Variants in RERE observed in about 807,000 individuals in gnomAD.
RERE encodes the protein arginine-glutamic acid dipeptide repeats protein.
A neutral mutation model predicts 146.1 loss-of-function variants in RERE; 40 were observed. The observed-to-expected ratio is 0.27, with a 90% CI of 0.21 to 0.36. RERE has a LOEUF of 0.36. Ranked by LOEUF, RERE falls within the 10% of genes least tolerant of loss-of-function variation. The probability of loss-of-function intolerance (pLI) is 1.00; values close to 1 mark genes in which losing one functional copy is unlikely to be tolerated. For synonymous variants in RERE, 1,003 were observed against 866.0 expected (o/e 1.16, Z -2.78); for missense variants, 1,933 against 2,138.7 (o/e 0.90, Z 1.90).
chr1:8,807,255 CG>C (rs1366516232), intron 1 of RERE, among the ~76,000 whole-genome samples: 3 of 151,956 alleles, frequency 2.0e-5, no homozygotes, highest in African/African-American at 7.2e-5. Context: ...GGTCTTGTTA[CG>C]TTGCCCAGGC....
intron 9 of RERE, among the ~76,000 whole-genome samples, chr1:8,495,943 C>T (rs920761533): frequency 5.9e-5 from 9 of 151,958 alleles, no homozygotes; most frequent in African/African-American, 9.7e-5. Context: ...GGGAGCCTGA[C>T]GCCAGAGGAC....
In RERE at chr1:8,526,044, C is replaced by T. The variant is rs151028640; in HGVS notation, c.830+15170G>A. 9.9e-3 allele frequency: 12,178 copies of T among 1,225,512 alleles called. 83 individuals carry two copies. The highest frequency in any genetic ancestry group is 0.017 in the Admixed American group (377 of 22,518). 75.9% of individuals were successfully genotyped at this position (1,225,512 alleles called of 1,614,324 possible). A position where few individuals can be genotyped will look rare whatever the true frequency, so the allele number is the denominator to read the frequency against. On this transcript the variant is annotated intron_variant, in intron 7 of 22. Coordinates refer to ENST00000400908, the MANE Select transcript of RERE (RefSeq NM_001042681.2). ...CTCTCCACGACGCAATCAATCTCAA[C>T]CCTGCTGTTTCCGTAAATAAAGCCC...
intron 4 of RERE, among the ~76,000 whole-genome samples, chr1:8,613,167 A>T (rs1392406252): frequency 6.6e-6 from 1 of 152,206 alleles, no homozygotes; most frequent in Admixed American, 6.5e-5. Flanking sequence ...AAACTGCTAC[A>T]GTCAATCTTC....
chr1:8,526,962 T>TA (rs1645578052), intron 7 of RERE, among the ~76,000 whole-genome samples: 1 of 152,134 alleles, frequency 6.6e-6, no homozygotes, highest in African/African-American at 2.4e-5. Flanking sequence ...GCCAAAATTA[T>TA]AAAGGACAAG....
chr1:8,525,789 A>C, intron 7 of RERE: 1 of 1,599,602 alleles, frequency 6.3e-7, no homozygotes, highest in Middle Eastern at 1.7e-4. Context: ...ATCCATGACT[A>C]ACACGGGCTC....
intron 12 of RERE, among the ~76,000 whole-genome samples, chr1:8,399,281 T>C (rs1643166515): frequency 6.6e-6 from 1 of 152,186 alleles, no homozygotes; most frequent in African/African-American, 2.4e-5. Context: ...CTATTTCTTA[T>C]AAACCCTTCC....
At position 8,801,460 on chromosome 1, in the gene RERE, G is replaced by A. The variant is rs1053442664; in HGVS notation, c.-145+15700C>T. Among the ~76,000 whole-genome samples the A allele has an allele frequency of 5.9e-5, 9 of 151,944 alleles. No individual in the cohort carries two copies. The East Asian group carries it at 7.7e-4, about 13-fold the overall frequency. ...AATTTTGTAATTTTAGTAGAGATGGGGTTTCTCCATGTTGGTCAGGCTGGT... is the reference window on the plus strand; with the variant it reads ...AATTTTGTAATTTTAGTAGAGATGGAGTTTCTCCATGTTGGTCAGGCTGGT... On this transcript the variant is annotated intron_variant, in intron 1 of 22. Transcript: ENST00000400908.
chr1:8,573,752 A>G (rs547396271), intron 4 of RERE, among the ~76,000 whole-genome samples: 5 of 152,348 alleles, frequency 3.3e-5, no homozygotes, highest in African/African-American at 1.2e-4. Context: ...AATATATATT[A>G]AAGGCTAAAA....
rs529867289 is a variant in RERE, at chr1:8,506,533, G to A, written c.879+2094C>T. Among the ~76,000 whole-genome samples the A allele has an allele frequency of 1.1e-4, 17 of 152,282 alleles. No individual in the cohort carries two copies. In the East Asian group the frequency reaches 2.1e-3, roughly 19 times the overall value. On this transcript the variant is annotated intron_variant, in intron 8 of 22. Transcript: ENST00000400908. The stretch of plus-strand genomic sequence containing the variant: ...AGACAGAAATAATAACTAGACAGAC[G>A]ACTGAAATCTCTATGCACTTCCAAG...
intron 6 of RERE, among the ~76,000 whole-genome samples, chr1:8,547,380 T>A (rs1262113502): frequency 6.6e-6 from 1 of 151,492 alleles, no homozygotes; most frequent in East Asian, 2.0e-4. Flanking sequence ...TAACTATGAC[T>A]CAAAATCCAG....
chr1:8,656,510 T>C (rs1638311152), intron 1 of RERE, 69 bp from the exon 2 acceptor site: 1 of 636,906 alleles, frequency 1.6e-6, no homozygotes, highest in African/African-American at 1.8e-5. Context: ...TTTTGTTAAA[T>C]GAATCTCTTA....
At chr1:8,520,202 T>C (rs1160496815) in intron 7 of RERE, among the ~76,000 whole-genome samples, 2 of 152,164 alleles carry the variant, frequency 1.3e-5, no homozygotes, top group Non-Finnish European at 2.9e-5. Flanking sequence ...AATTCTAAAT[T>C]TTCTCTGTGG....
intron 3 of RERE, among the ~76,000 whole-genome samples, chr1:8,617,512 CACA>C (rs1200878490): frequency 2.0e-5 from 3 of 152,126 alleles, no homozygotes; most frequent in Admixed American, 2.0e-4. Flanking sequence ...TCCAACACTA[CACA>C]ACAAGTCACA....
At chr1:8,591,969 G>A (rs1450376789) in intron 4 of RERE, among the ~76,000 whole-genome samples, 1 of 152,020 alleles carries the variant, frequency 6.6e-6, no homozygotes, top group Non-Finnish European at 1.5e-5. Context: ...GTAAGGTGAG[G>A]GTTTAATAAA....
At chr1:8,724,876 A>T (rs1209482449) in intron 1 of RERE, among the ~76,000 whole-genome samples, 1 of 72,066 alleles carries the variant, frequency 1.4e-5, no homozygotes, top group Non-Finnish European at 2.5e-5. Context: ...GATACTTTGT[A>T]AAAAAAAAAA....
intron 12 of RERE, among the ~76,000 whole-genome samples, chr1:8,390,220 C>T (rs1157856237): frequency 2.0e-5 from 3 of 152,170 alleles, no homozygotes; most frequent in Admixed American, 6.5e-5. Context: ...ACAAGAACGA[C>T]GGCATACAGA....
rs143138261 is a variant in RERE, at chr1:8,689,106, A to AT, written c.-144-32666dup. Among the ~76,000 whole-genome samples the AT allele has an allele frequency of 6.1e-3, 923 of 150,296 alleles. 7 individuals carry two copies. The highest frequency in any genetic ancestry group is 0.021 in the African/African-American group (850 of 41,084). Reference sequence around the variant, plus strand: ...AATAGTTTTATCAAGTAAAAATTTGATTTTTTTTTTAGTTTCTTTGTTGAA... The same window carrying AT: ...AATAGTTTTATCAAGTAAAAATTTGATTTTTTTTTTTAGTTTCTTTGTTGAA... On this transcript the variant is annotated intron_variant, in intron 1 of 22. Transcript: ENST00000400908.
At chr1:8,627,892 T>C (rs1042843788) in intron 2 of RERE, among the ~76,000 whole-genome samples, 2 of 152,192 alleles carry the variant, frequency 1.3e-5, no homozygotes, top group Admixed American at 1.3e-4. Flanking sequence ...GAAAGGAACA[T>C]GCCGGTATGT....
intron 8 of RERE, among the ~76,000 whole-genome samples, chr1:8,504,680 C>T (rs571586953): frequency 2.6e-5 from 4 of 152,152 alleles, no homozygotes; most frequent in East Asian, 3.9e-4. Context: ...AGTGAAACCC[C>T]GTCTCTACTA....
Sources: allele counts gnomAD v4.1 joint callset (sites outside exome capture counted in the v4.1 genomes callset), GRCh38; gene constraint gnomAD v4.1.1; transcripts MANE v1.5; gene names NCBI Gene and HGNC (gene_info 2026-07-23, HGNC 2026-07-21).